The following ACTN4 variants were observed in gnomAD, a reference collection of about 807,000 sequenced individuals.
The protein encoded by ACTN4 is actinin alpha 4, also known as alpha-actinin-4.
In ACTN4, 18 loss-of-function variants were observed where a neutral mutation model predicts 114.2. The observed-to-expected ratio is 0.16, with a 90% CI of 0.11 to 0.23. ACTN4 has a LOEUF of 0.23. ACTN4 is among the 10% of genes least tolerant of loss of function. The pLI, the probability that ACTN4 is intolerant of heterozygous loss-of-function variation, is 1.00. For synonymous variants in ACTN4, 515 were observed against 506.3 expected, an observed-to-expected ratio of 1.02 and a Z score of -0.23; for missense variants, 722 against 1,262.9, an observed-to-expected ratio of 0.57 and a Z score of 6.49.
chr19:38,680,362 G>A (rs2144919314), intron 1 of ACTN4, among the ~76,000 whole-genome samples: 1 of 151,912 alleles, frequency 6.6e-6, no homozygotes, highest in African/African-American at 2.4e-5. Flanking sequence ...TGTATTTTTA[G>A]TAGAGATGGG....
At position 38,673,496 on chromosome 19, in the gene ACTN4, T is replaced by C. The variant is rs539724879; in HGVS notation, c.162+25589T>C. 3.5e-5 allele frequency among the ~76,000 whole-genome samples: 4 copies of C among 114,256 alleles called. No homozygotes were observed. The East Asian group carries it at 7.1e-4, about 20-fold the overall frequency. The allele number at this position is 114,256 out of a possible 152,430, so 75.0% of individuals were successfully genotyped here. A position where few individuals can be genotyped will look rare whatever the true frequency, so the allele number is the denominator to read the frequency against. ...ATATTTATATATATATTCATATATATTTATATATATGAATATATATTTATA... is the reference window on the plus strand; with the variant it reads ...ATATTTATATATATATTCATATATACTTATATATATGAATATATATTTATA... On this transcript the variant is annotated intron_variant, in intron 1 of 20. Transcript: ENST00000252699.
chr19:38,705,578 C>T (rs991462627), intron 4 of ACTN4, among the ~76,000 whole-genome samples: 5 of 152,196 alleles, frequency 3.3e-5, no homozygotes, highest in Non-Finnish European at 4.4e-5. Context: ...GAAGGGCTCC[C>T]GGTCTGTGAG....
intron 1 of ACTN4, among the ~76,000 whole-genome samples, chr19:38,692,138 C>A (rs1036421464): frequency 3.3e-5 from 5 of 152,198 alleles, no homozygotes; most frequent in Non-Finnish European, 7.3e-5. Flanking sequence ...TGAGAAAACT[C>A]CGAATAAGGC....
At position 38,717,908 on chromosome 19, in the gene ACTN4, T is replaced by TGCTCCTGCCCTGCCC; in HGVS notation, c.1144-18_1144-4dup. On this transcript the variant is annotated intron_variant, in intron 10 of 20. Transcript: ENST00000252699. This position sits in a 1 kb window ranked among gnomAD's most constrained non-coding sequence, Gnocchi z 4.0. ...TCCACTTCCTTGTGATAGCCCTGCC[T>TGCTCCTGCCCTGCCC]GCTCCTGCCCTGCCCCAGGACATCA... 1 of 1,577,666 alleles carries TGCTCCTGCCCTGCCC rather than the reference T, an allele frequency of 6.3e-7. No homozygotes were observed. The highest frequency in any genetic ancestry group is 1.2e-5 in the South Asian group (1 of 86,256).
At position 38,731,387 on chromosome 19, in the gene ACTN4, G is replaced by A. The variant is rs925617051; in HGVS notation, c.*1955G>A. On this transcript the variant is annotated 3_prime_UTR_variant, in exon 21 of 21. Coordinates refer to ENST00000252699, the MANE Select transcript of ACTN4 (RefSeq NM_004924.6). ...TACAGGCTGATCCCTTCAATCCTCT[G>A]GGCCTGTTTCCTCATCCATCAAACG... is the stretch of plus-strand genomic sequence containing the variant. The A allele has an allele frequency of 1.6e-5, 10 of 632,300 alleles. No individual in the cohort carries two copies. The Middle Eastern group carries it at 1.3e-3, about 79-fold the overall frequency. 39.2% of individuals were successfully genotyped at this position (632,300 alleles called of 1,614,324 possible). A position where few individuals can be genotyped will look rare whatever the true frequency, so the allele number is the denominator to read the frequency against.
chr19:38,683,681 G>A (rs1356247883), intron 1 of ACTN4, among the ~76,000 whole-genome samples: 1 of 152,208 alleles, frequency 6.6e-6, no homozygotes, highest in African/African-American at 2.4e-5. Flanking sequence ...TGCAGTCCGG[G>A]AACCGATTTG....
chr19:38,706,112 G>A lies in ACTN4; in HGVS notation c.553G>A (p.Val185Met). 1.2e-6 allele frequency: 2 copies of A among 1,614,160 alleles called. No individual in the cohort carries two copies. Among genetic ancestry groups the A allele is most frequent in the Non-Finnish European group, 1.7e-6 (2 of 1,179,988 alleles). The change falls in exon 5 of 21, where the codon GTG becomes ATG. Residue 185 changes from valine (V) to methionine (M), a missense_variant. Around this residue, in one of 3 missense-constraint regions of ACTN4, gnomAD observed 127 missense variants for 311.3 expected, o/e 0.41. Coordinates refer to ENST00000252699, the MANE Select transcript of ACTN4 (RefSeq NM_004924.6). ...GACAGCCCCGTATAAGAACGTCAAT[G>A]TGCAGAACTTCCACATCAGGTAAGC... Reference protein sequence around the residue: ...RKTAPYKNVNVQNFHISWKDG... With the variant: ...RKTAPYKNVNMQNFHISWKDG...
chr19:38,677,813 A>G (rs1313579177), intron 1 of ACTN4, among the ~76,000 whole-genome samples: 3 of 151,898 alleles, frequency 2.0e-5, no homozygotes, highest in Admixed American at 1.3e-4. Flanking sequence ...TGCAACCCCT[A>G]CCTCCCGGGT....
At chr19:38,647,960 G>A in intron 1 of ACTN4, 53 bp downstream of exon 1, 1 of 1,408,522 alleles carries the variant, frequency 7.1e-7, no homozygotes, top group African/African-American at 1.5e-5. Context: ...AGGGGGCCCG[G>A]GGAGGGGTGG....
Position 38,728,355 on chromosome 19 carries a change from C to T in ACTN4, c.2418+329C>T, listed in dbSNP as rs1311714758. On this transcript the variant is annotated intron_variant, in intron 19 of 20. Transcript: ENST00000252699. Reference sequence around the variant, plus strand: ...CATGGACTCCGATGACTTCAGGGCTCTGCTTATCTCCACAGGATACAGCCT... The same window carrying T: ...CATGGACTCCGATGACTTCAGGGCTTTGCTTATCTCCACAGGATACAGCCT... The T allele has an allele frequency of 2.1e-6, 3 of 1,439,872 alleles. No homozygotes were observed. The South Asian group carries it at 3.6e-5, about 17-fold the overall frequency. The allele number at this position is 1,439,872 out of a possible 1,614,324, so 89.2% of individuals were successfully genotyped here. A position where few individuals can be genotyped will look rare whatever the true frequency, so the allele number is the denominator to read the frequency against.
At chr19:38,721,894 C>G (rs1969058753) in intron 12 of ACTN4, 4 of 736,382 alleles carry the variant, frequency 5.4e-6, no homozygotes, top group Admixed American at 2.1e-5. Context: ...GGTGGGACAC[C>G]TGAAGGATTT....
intron 1 of ACTN4, among the ~76,000 whole-genome samples, chr19:38,681,498 G>A (rs1280539335): frequency 6.6e-6 from 1 of 152,144 alleles, no homozygotes; most frequent in Admixed American, 6.5e-5. Context: ...CTTCTCCTGG[G>A]GTCCCCAAAC....
chr19:38,695,169 C>G (rs1331195767), intron 1 of ACTN4, among the ~76,000 whole-genome samples: 1 of 152,234 alleles, frequency 6.6e-6, no homozygotes, highest in Non-Finnish European at 1.5e-5. Flanking sequence ...TGCCACCATG[C>G]CTGGCTGGCC....
chr19:38,717,157 G>A lies in ACTN4; in HGVS notation c.984G>A (p.Met328Ile). The change falls in exon 10 of 21, where the codon ATG becomes ATA. Residue 328 changes from methionine (M) to isoleucine (I), a missense_variant. Physicochemically the swap from Met to Ile is conservative, Grantham distance 10. This residue lies in a region of ACTN4 where 523 missense variants were observed against 875.9 expected (regional missense o/e 0.60). Coordinates refer to ENST00000252699, the MANE Select transcript of ACTN4 (RefSeq NM_004924.6). This position sits in a 1 kb window ranked among gnomAD's most constrained non-coding sequence, Gnocchi z 4.0. The part of the protein sequence containing the change: ...DRVPQKTIQE[M>I]QQKLEDFRDY... ...TGCCCCAAAAGACTATCCAGGAGAT[G>A]CAGCAGAAGCTGGAGGACTTCCGCG... 1 of 1,614,280 alleles carries A rather than the reference G, an allele frequency of 6.2e-7. No individual in the cohort carries two copies. Among genetic ancestry groups the A allele is most frequent in the African/African-American group, 1.3e-5 (1 of 75,072 alleles).
intron 1 of ACTN4, among the ~76,000 whole-genome samples, chr19:38,665,371 G>C (rs1966924955): frequency 6.6e-6 from 1 of 152,214 alleles, no homozygotes; most frequent in African/African-American, 2.4e-5. Flanking sequence ...GATTAGACGT[G>C]ATAGTGCGCA....
intron 3 of ACTN4, among the ~76,000 whole-genome samples, chr19:38,701,773 C>T (rs1411046985): frequency 6.6e-6 from 1 of 152,250 alleles, no homozygotes; most frequent in East Asian, 1.9e-4. Context: ...TAGAGACAGG[C>T]GAGGCCTGAT....
At chr19:38,660,371 T>A (rs1464889345) in intron 1 of ACTN4, among the ~76,000 whole-genome samples, 1 of 152,238 alleles carries the variant, frequency 6.6e-6, no homozygotes, top group Non-Finnish European at 1.5e-5. Flanking sequence ...TTCTAAGTGC[T>A]TCCCATGGAC....
intron 12 of ACTN4, 119 bp from the exon 13 acceptor site, chr19:38,723,495 G>A (rs971308864): frequency 9.2e-6 from 7 of 761,978 alleles, no homozygotes; most frequent in Non-Finnish European, 1.6e-5. Context: ...ATTGGTTGCT[G>A]ATATCCTGGA....
intron 1 of ACTN4, among the ~76,000 whole-genome samples, chr19:38,670,378 G>A (rs555909606): frequency 6.8e-4 from 103 of 152,224 alleles, no homozygotes; most frequent in Non-Finnish European, 1.3e-3. Flanking sequence ...GTTGCTCAGA[G>A]CAGGTGATCC....
Sources: gnomAD v4.1 joint callset for allele counts (sites outside exome capture counted in the v4.1 genomes callset) on GRCh38, gnomAD v4.1.1 for gene constraint, gnomAD v4.1.1 regional missense constraint, Gnocchi (gnomAD v3.1) non-coding constraint, MANE v1.5 for transcripts, NCBI Gene and HGNC (gene_info 2026-07-23, HGNC 2026-07-21) for gene names.